The following DGKD variants were observed in gnomAD, a reference collection of about 807,000 sequenced individuals.
The protein encoded by DGKD is diacylglycerol kinase delta.
A neutral mutation model predicts 154.4 loss-of-function variants in DGKD; 68 were observed. The observed-to-expected ratio is 0.44, with a 90% CI of 0.36 to 0.54. The LOEUF is 0.54. DGKD is among the 20% of genes least tolerant of loss of function. The pLI is 0.00. For missense variants in DGKD, 1,343 were observed against 1,593.6 expected (o/e 0.84, Z 2.68); for synonymous variants, 693 against 638.0 (o/e 1.09, Z -1.30).
chr2:233,409,516 T>A (rs537735304), intron 3 of DGKD, among the ~76,000 whole-genome samples: 8 of 152,220 alleles, frequency 5.3e-5, no homozygotes, highest in Non-Finnish European at 1.0e-4. Context: ...GGTTTTTTTT[T>A]TTCCTTGAAA....
chr2:233,437,188 G>A (rs1476316207), intron 7 of DGKD, among the ~76,000 whole-genome samples, 189 bp from the exon 8 acceptor site: 1 of 152,212 alleles, frequency 6.6e-6, no homozygotes, highest in Non-Finnish European at 1.5e-5. Flanking sequence ...GCCTTCTCAA[G>A]TGCAAAGCCA....
At chr2:233,451,899 C>T (rs2063306872) in intron 17 of DGKD, 65 bp from the exon 18 acceptor site, 7 of 1,357,458 alleles carry the variant, frequency 5.2e-6, no homozygotes, top group Admixed American at 1.7e-5. Context: ...GCTTCAGAGA[C>T]ACGAGCTTCT....
At chr2:233,384,182 C>T (rs1392713969) in intron 1 of DGKD, among the ~76,000 whole-genome samples, 2 of 152,176 alleles carry the variant, frequency 1.3e-5, no homozygotes, top group Non-Finnish European at 2.9e-5. Context: ...ATCAGGCCAC[C>T]ATGTCCGCTC....
chr2:233,451,978 A>C lies in DGKD; in HGVS notation c.2182A>C (p.Met728Leu). Residue 728 changes from methionine to leucine, a missense_variant, in exon 18 of 30, where the codon ATG becomes CTG. Transcript: ENST00000264057. ...KILYPNVRAG[M>L]SGSLPGGSVI... ...CTCCTTTACAGATGTCCGGGCTGGAATGTCTGGTTCCTTACCCGGTGGCTC... is the reference window on the plus strand; with the variant it reads ...CTCCTTTACAGATGTCCGGGCTGGACTGTCTGGTTCCTTACCCGGTGGCTC... 1 of 1,613,980 alleles carries C rather than the reference A, an allele frequency of 6.2e-7. No individual in the cohort carries two copies. The highest frequency in any genetic ancestry group is 1.1e-5 in the South Asian group (1 of 91,074).
At chr2:233,379,089 A>T (rs1475273035) in intron 1 of DGKD, among the ~76,000 whole-genome samples, 1 of 152,120 alleles carries the variant, frequency 6.6e-6, no homozygotes, top group Admixed American at 6.5e-5. Context: ...AACCCACTGA[A>T]CCTGAGGGAC....
At chr2:233,395,569 T>C (rs1490276232) in intron 3 of DGKD, among the ~76,000 whole-genome samples, 1 of 142,164 alleles carries the variant, frequency 7.0e-6, no homozygotes, top group African/African-American at 2.5e-5. Context: ...TTTTCCTTTC[T>C]TTTCTTTTCT....
In DGKD at chr2:233,447,145, C is replaced by T. The variant is rs552306457; in HGVS notation, c.1419+349C>T. ...CCCGTTCCCTCCCCCGCCGCGGTGC[C>T]CACGTGCCTGGAATGCTCTAGCCGG... On this transcript the variant is annotated intron_variant, in intron 12 of 29. Transcript: ENST00000264057. Among the ~76,000 whole-genome samples the T allele has an allele frequency of 6.6e-5, 10 of 152,270 alleles. No individual in the cohort carries two copies. The South Asian group carries it at 1.2e-3, about 19-fold the overall frequency.
At position 233,437,463 on chromosome 2, in the gene DGKD, C is replaced by T. The variant is rs1369123796; in HGVS notation, c.906C>T (p.Asn302=). Residue 302 remains asparagine, a synonymous_variant, in exon 8 of 30, where the codon AAC becomes AAT. Coordinates refer to ENST00000264057, the MANE Select transcript of DGKD (RefSeq NM_152879.3). ...CAGTCATCCCACCCACGGCTCTCAA[C>T]AGCATCGACTCCGATGGTGGGTACC... ...KVSVIPPTAL[N]SIDSDGFWKA... is the part of the protein sequence containing the mutation. 7.4e-6 allele frequency: 12 copies of T among 1,614,084 alleles called. No homozygotes were observed. Among genetic ancestry groups the T allele is most frequent in the Middle Eastern group, 1.6e-4 (1 of 6,084 alleles).
chr2:233,365,736 A>G (rs992584821), intron 1 of DGKD, among the ~76,000 whole-genome samples: 1 of 152,366 alleles, frequency 6.6e-6, no homozygotes, highest in East Asian at 1.9e-4. Context: ...AGCCAGGATC[A>G]ATAAAAAGAA....
chr2:233,448,970 C>A, intron 14 of DGKD, 133 bp from the exon 15 acceptor site: 2 of 1,155,120 alleles, frequency 1.7e-6, no homozygotes, highest in Non-Finnish European at 1.2e-6. Flanking sequence ...CTTTTTGTTA[C>A]TTAGGCGTGG....
At chr2:233,463,426 G>T (rs1233056834) in intron 26 of DGKD, among the ~76,000 whole-genome samples, 1 of 126,260 alleles carries the variant, frequency 7.9e-6, no homozygotes, top group Non-Finnish European at 1.6e-5. Context: ...CTCACTCCAC[G>T]CATCTCCTCA....
chr2:233,414,201 C>G (rs570936170), intron 3 of DGKD, among the ~76,000 whole-genome samples: 3 of 152,326 alleles, frequency 2.0e-5, no homozygotes, highest in African/African-American at 7.2e-5. Flanking sequence ...CTGGGCCTCT[C>G]TCTTTCAGGA....
chr2:233,392,742 T>C (rs1703708741), intron 3 of DGKD, among the ~76,000 whole-genome samples: 1 of 152,232 alleles, frequency 6.6e-6, no homozygotes, highest in Non-Finnish European at 1.5e-5. Context: ...TCCTAAAATA[T>C]TTATTTCTTG....
intron 14 of DGKD, among the ~76,000 whole-genome samples, chr2:233,448,610 G>A (rs1311332624): frequency 6.6e-6 from 1 of 152,238 alleles, no homozygotes; most frequent in Non-Finnish European, 1.5e-5. Flanking sequence ...CGGCTCAAGG[G>A]TCCAGACACA....
chr2:233,407,776 A>G (rs1392857072), intron 3 of DGKD, among the ~76,000 whole-genome samples: 1 of 152,118 alleles, frequency 6.6e-6, no homozygotes, highest in Admixed American at 6.6e-5. Context: ...CAAAACATAA[A>G]ATAAATCTTG....
chr2:233,376,219 T>A (rs1490574860), intron 1 of DGKD, among the ~76,000 whole-genome samples: 1 of 152,176 alleles, frequency 6.6e-6, no homozygotes, highest in Admixed American at 6.5e-5. Context: ...GGGTGACTGG[T>A]TATGGCTATA....
chr2:233,368,709 A>G (rs1270460197), intron 1 of DGKD, among the ~76,000 whole-genome samples: 4 of 151,896 alleles, frequency 2.6e-5, no homozygotes, highest in Non-Finnish European at 4.4e-5. Context: ...CCTGAGTATC[A>G]CTATATGGAT....
chr2:233,407,724 A>G (rs191129867), intron 3 of DGKD, among the ~76,000 whole-genome samples: 67 of 152,250 alleles, frequency 4.4e-4, no homozygotes, highest in African/African-American at 1.5e-3. Flanking sequence ...CTGTGATTGC[A>G]CCACTGCACT....
chr2:233,386,312 A>G (rs764345660), intron 1 of DGKD: 294 of 267,608 alleles, frequency 1.1e-3, no homozygotes, highest in Non-Finnish European at 1.9e-3. Flanking sequence ...TCAGGCTTCC[A>G]TGGATGGCAT....
Sources: allele counts gnomAD v4.1 joint callset (sites outside exome capture counted in the v4.1 genomes callset), GRCh38; gene constraint gnomAD v4.1.1; transcripts MANE v1.5; gene names NCBI Gene and HGNC (gene_info 2026-07-23, HGNC 2026-07-21).